The following TNR variants were observed in gnomAD, a reference collection of about 807,000 sequenced individuals.
The protein encoded by TNR is tenascin R.
In TNR, 45 loss-of-function variants were observed where a neutral mutation model predicts 150.4. The ratio of observed to expected loss-of-function variants is 0.30; its 90% CI spans 0.24 to 0.38. The LOEUF is 0.38. Among genes scored for constraint, TNR ranks in the 10% least tolerant of loss-of-function variants. The pLI, the probability that TNR is intolerant of heterozygous loss-of-function variation, is 1.00. For synonymous variants in TNR, 687 were observed against 678.4 expected (o/e 1.01, Z -0.20); for missense variants, 1,544 against 1,759.1 (o/e 0.88, Z 2.19).
intron 1 of TNR, among the ~76,000 whole-genome samples, chr1:175,713,046 A>G (rs1207613902): frequency 6.6e-6 from 1 of 152,166 alleles, no homozygotes; most frequent in African/African-American, 2.4e-5. Context: ...ACCTGAGTCC[A>G]TAAGGAGCCT....
At chr1:175,377,101 C>A (rs563837119) in intron 9 of TNR, among the ~76,000 whole-genome samples, 4 of 152,166 alleles carry the variant, frequency 2.6e-5, no homozygotes, top group East Asian at 1.9e-4. Context: ...CCCTTGCTAG[C>A]CTTGTGAACT....
At chr1:175,716,349 T>C (rs534825281) in intron 1 of TNR, among the ~76,000 whole-genome samples, 6 of 152,278 alleles carry the variant, frequency 3.9e-5, no homozygotes, top group African/African-American at 1.4e-4. Context: ...ACATCTCAAA[T>C]CCAAACCTTA....
intron 1 of TNR, among the ~76,000 whole-genome samples, chr1:175,544,563 G>A (rs1479256207): frequency 1.3e-5 from 2 of 152,194 alleles, no homozygotes; most frequent in South Asian, 4.1e-4. Flanking sequence ...TATGTTCAGC[G>A]AGGGTCTGTG....
At chr1:175,462,049 G>GGTGC (rs1656845417) in intron 2 of TNR, among the ~76,000 whole-genome samples, 2 of 152,224 alleles carry the variant, frequency 1.3e-5, no homozygotes, top group African/African-American at 4.8e-5. Context: ...ACTCAAATGA[G>GGTGC]ATCCTATTTG....
chr1:175,494,390 A>G (rs1658390818), intron 2 of TNR, among the ~76,000 whole-genome samples: 6 of 152,246 alleles, frequency 3.9e-5, no homozygotes. Flanking sequence ...GACAGTGACG[A>G]TGCAACTCTG....
intron 1 of TNR, among the ~76,000 whole-genome samples, chr1:175,561,427 T>C (rs909533678): frequency 2.0e-5 from 3 of 152,300 alleles, no homozygotes; most frequent in Admixed American, 2.0e-4. Flanking sequence ...CCTCCTATGA[T>C]TGGTTTCTTC....
chr1:175,441,654 G>A lies in TNR; in HGVS notation c.-63-34877C>T, dbSNP rs573147065. On this transcript the variant is annotated intron_variant, in intron 2 of 22. Coordinates refer to ENST00000367674, the MANE Select transcript of TNR (RefSeq NM_003285.3). ...AGCTGTGTGTGTGTGTGTTGTGGGT[G>A]GGGGGTCTAGGTGGCCCCTCGAGCT... is the stretch of plus-strand genomic sequence containing the variant. Among the ~76,000 whole-genome samples the A allele has an allele frequency of 2.0e-5, 3 of 152,204 alleles. No individual in the cohort carries two copies. In the East Asian group the frequency reaches 5.8e-4, roughly 29 times the overall value.
At chr1:175,524,957 T>C (rs558701677) in intron 2 of TNR, among the ~76,000 whole-genome samples, 2 of 152,312 alleles carry the variant, frequency 1.3e-5, no homozygotes, top group East Asian at 3.9e-4. Context: ...GATACTCCTC[T>C]TTCCCCTTCC....
At position 175,406,498 on chromosome 1, in the gene TNR, C is replaced by A; in HGVS notation, c.217G>T (p.Val73Leu). The A allele has an allele frequency of 6.2e-7, 1 of 1,614,162 alleles. No individual in the cohort carries two copies. Among genetic ancestry groups the A allele is most frequent in the Non-Finnish European group, 8.5e-7 (1 of 1,180,050 alleles). Residue 73 changes from valine (V) to leucine (L), a missense_variant, in exon 3 of 23, where the codon GTG becomes TTG. Val to Leu is a conservative substitution (Grantham distance 32). Around this residue, in one of 2 missense-constraint regions of TNR, gnomAD observed 1,254 missense variants for 1,329.4 expected, o/e 0.94. Coordinates refer to ENST00000367674, the MANE Select transcript of TNR (RefSeq NM_003285.3). The part of the protein sequence containing the change: ...VVFNHVYNIN[V>L]PLDNLCSSGL... ...GAGGAGCAGAGGTTGTCCAAGGGCA[C>A]GTTAATGTTGTACACGTGGTTGAAG... is the stretch of plus-strand genomic sequence containing the variant.
intron 1 of TNR, among the ~76,000 whole-genome samples, chr1:175,676,239 G>A (rs1228669221): frequency 6.6e-6 from 1 of 152,082 alleles, no homozygotes; most frequent in Non-Finnish European, 1.5e-5. Context: ...AATCCCCAAG[G>A]CAAACCTGAG....
At chr1:175,563,563 C>T (rs746779253) in intron 1 of TNR, among the ~76,000 whole-genome samples, 1 of 152,172 alleles carries the variant, frequency 6.6e-6, no homozygotes, top group Middle Eastern at 3.2e-3. Flanking sequence ...ACTTTGACAG[C>T]CCCCAGTCCC....
At position 175,315,323 on chromosome 1, in the gene TNR, C is replaced by G. The variant is rs1043144879; in HGVS notation, c.*8034G>C. 3 of 152,226 alleles carry G rather than the reference C, an allele frequency of 2.0e-5. No individual in the cohort carries two copies. Among genetic ancestry groups the G allele is most frequent in the Admixed American group, 6.5e-5 (1 of 15,284 alleles). 9.4% of individuals were successfully genotyped at this position (152,226 alleles called of 1,614,324 possible). On this transcript the variant is annotated 3_prime_UTR_variant, in exon 23 of 23. Coordinates refer to ENST00000367674, the MANE Select transcript of TNR (RefSeq NM_003285.3). ...ACAAGCAGAGATTCCAGTCTTTGAG[C>G]TACAGTGCCATGAAAGGATCAGAGA...
At chr1:175,470,742 T>G (rs1427549836) in intron 2 of TNR, among the ~76,000 whole-genome samples, 1 of 152,212 alleles carries the variant, frequency 6.6e-6, no homozygotes, top group East Asian at 1.9e-4. Flanking sequence ...TAGTAGGGCT[T>G]ATTCATTCCA....
In TNR at chr1:175,354,457, T is replaced by A; in HGVS notation, c.3316A>T (p.Thr1106Ser). 1 of 1,614,092 alleles carries A rather than the reference T, an allele frequency of 6.2e-7. No individual in the cohort carries two copies. Among genetic ancestry groups the A allele is most frequent in the Non-Finnish European group, 8.5e-7 (1 of 1,179,976 alleles). Residue 1106 changes from threonine to serine, a missense_variant, in exon 18 of 23, where the codon ACG becomes TCG. Around this residue, in one of 2 missense-constraint regions of TNR, gnomAD observed 290 missense variants for 429.7 expected, o/e 0.67. Transcript: ENST00000367674. ...LEGLLENTDY[T>S]VLLQAAQDTT... is the part of the protein sequence containing the mutation. ...TCCTGTGCTGCCTGCAGGAGCACCG[T>A]GTAGTCTGTGTTCTCCAACAGGCCC...
At chr1:175,580,520 C>T (rs536419725) in intron 1 of TNR, among the ~76,000 whole-genome samples, 48 of 152,306 alleles carry the variant, frequency 3.2e-4, no homozygotes, top group East Asian at 1.2e-3. Context: ...GGCTAGTTAA[C>T]GAGCCACACA....
intron 2 of TNR, among the ~76,000 whole-genome samples, chr1:175,441,400 A>G (rs1163885912): frequency 1.3e-5 from 2 of 152,212 alleles, no homozygotes; most frequent in African/African-American, 2.4e-5. Context: ...CAGTGTATGC[A>G]TATAGTGTAT....
chr1:175,396,754 G>A lies in TNR; in HGVS notation c.1030C>T (p.Leu344=). The change falls in exon 5 of 23, where the codon CTG becomes TTG. Residue 344 remains leucine (L), a synonymous_variant. Transcript: ENST00000367674. ...VAGISDRSIE[L]EWDGPMAVTE... ...ACTGCCATCGGCCCGTCCCATTCCA[G>A]CTCAATGGACCTGTCGCTGATACCA... 6.2e-7 allele frequency: 1 copy of A among 1,614,140 alleles called. No homozygotes were observed. Among genetic ancestry groups the A allele is most frequent in the Non-Finnish European group, 8.5e-7 (1 of 1,180,024 alleles).
At chr1:175,600,707 C>G (rs1171103909) in intron 1 of TNR, among the ~76,000 whole-genome samples, 1 of 152,244 alleles carries the variant, frequency 6.6e-6, no homozygotes, top group African/African-American at 2.4e-5. Flanking sequence ...AGTGCTATGT[C>G]TGCCTGGAGG....
intron 1 of TNR, among the ~76,000 whole-genome samples, chr1:175,565,550 A>G (rs1661607628): frequency 6.6e-6 from 1 of 152,210 alleles, no homozygotes; most frequent in African/African-American, 2.4e-5. Flanking sequence ...GGATCCCCTG[A>G]GTGAGGGTGC....
Sources: allele counts gnomAD v4.1 joint callset (sites outside exome capture counted in the v4.1 genomes callset), GRCh38; gene constraint gnomAD v4.1.1; regional missense constraint gnomAD v4.1.1; transcripts MANE v1.5; gene names NCBI Gene and HGNC (gene_info 2026-07-23, HGNC 2026-07-21).